KDR: variants seen among roughly 807,000 people sequenced by gnomAD.
KDR encodes kinase insert domain receptor.
Under a neutral mutation model 160.9 loss-of-function variants are expected in KDR, and 43 were observed. The observed-to-expected ratio is 0.27, with a 90% CI of 0.21 to 0.34. The LOEUF is 0.34. KDR is among the 10% of genes least tolerant of loss of function. The pLI is 1.00. For synonymous variants in KDR, 617 were observed against 600.1 expected, an observed-to-expected ratio of 1.03 and a Z score of -0.41; for missense variants, 1,469 against 1,666.4, an observed-to-expected ratio of 0.88 and a Z score of 2.06.
At chr4:55,096,463 A>C (rs1720160174) in intron 18 of KDR, 121 bp from the exon 19 acceptor site, 2 of 704,416 alleles carry the variant, frequency 2.8e-6, no homozygotes, top group African/African-American at 1.7e-5. Context: ...GCTGTGACCT[A>C]GTTTACAGAC....
At chr4:55,101,352 A>G (rs1309478012) in intron 15 of KDR, among the ~76,000 whole-genome samples, 1 of 152,242 alleles carries the variant, frequency 6.6e-6, no homozygotes, top group East Asian at 1.9e-4. Flanking sequence ...TGGTTAAAAG[A>G]ATACATACTC....
chr4:55,120,156 A>G (rs1011284411), intron 2 of KDR, among the ~76,000 whole-genome samples: 1 of 152,174 alleles, frequency 6.6e-6, no homozygotes, highest in East Asian at 1.9e-4. Flanking sequence ...GGGCTAGGGT[A>G]TTCTTTATAC....
intron 17 of KDR, 122 bp downstream of exon 17, chr4:55,098,015 A>G: frequency 7.6e-7 from 1 of 1,313,800 alleles, no homozygotes; most frequent in Non-Finnish European, 1.1e-6. Context: ...AATTCAAGAA[A>G]TGGAATTAAT....
chr4:55,106,893 G>T, intron 10 of KDR, 83 bp from the exon 11 acceptor site: 1 of 1,242,784 alleles, frequency 8.0e-7, no homozygotes, highest in Non-Finnish European at 1.2e-6. Context: ...TTCAGACTTT[G>T]GTTATTCTGT....
chr4:55,098,857 T>G, intron 15 of KDR, 54 bp from the exon 16 acceptor site: 6 of 1,393,852 alleles, frequency 4.3e-6, no homozygotes, highest in Non-Finnish European at 6.1e-6. Flanking sequence ...TACTTTTTGT[T>G]TGTAAGATGA....
rs1720322542 is a variant in KDR at position 55,101,974 on chromosome 4, T to C, written c.2189A>G (p.Glu730Gly). ...RNLTIRRVRKEDEGLYTCQAC... is the reference protein window; with the variant it reads ...RNLTIRRVRKGDEGLYTCQAC... The stretch of plus-strand genomic sequence containing the variant: ...CTGGCAGGTGTAGAGGCCTTCGTCC[T>C]CCTTCCTCACTCTGCGGATAGTGAG... The change falls in exon 15 of 30, where the codon GAG (glutamate) becomes GGG (glycine). Residue 730 changes from glutamate to glycine, a missense_variant. Around this residue, in one of 7 missense-constraint regions of KDR, gnomAD observed 39 missense variants for 72.1 expected, o/e 0.54. Coordinates refer to ENST00000263923, the MANE Select transcript of KDR (RefSeq NM_002253.4). 6.2e-7 allele frequency: 1 copy of C among 1,613,620 alleles called. No homozygotes were observed. Among genetic ancestry groups the C allele is most frequent in the Non-Finnish European group, 8.5e-7 (1 of 1,179,756 alleles).
chr4:55,090,104 A>G (rs765692102), intron 22 of KDR, 26 bp from the exon 23 acceptor site: 1 of 1,613,374 alleles, frequency 6.2e-7, no homozygotes, highest in South Asian at 1.1e-5. Flanking sequence ...TGTGTGCATT[A>G]GGTCTCGGCA....
At position 55,082,078 on chromosome 4, in the gene KDR, G is replaced by T. The variant is rs774368862; in HGVS notation, c.3763-37C>A. 8.8e-6 allele frequency: 12 copies of T among 1,368,012 alleles called. No homozygotes were observed. In the Admixed American group the frequency reaches 1.8e-4, roughly 21 times the overall value. 84.7% of individuals were successfully genotyped at this position (1,368,012 alleles called of 1,614,324 possible). A position where few individuals can be genotyped will look rare whatever the true frequency, so the allele number is the denominator to read the frequency against. On this transcript the variant is annotated intron_variant, in intron 28 of 29. Coordinates refer to ENST00000263923, the MANE Select transcript of KDR (RefSeq NM_002253.4). The stretch of plus-strand genomic sequence containing the variant: ...ACAATGAGATGGCACAGTTAATTGA[G>T]CATATAAAATGACCAACTATTTAAT...
intron 21 of KDR, 34 bp downstream of exon 21, chr4:55,094,768 C>G (rs766482143): frequency 6.2e-7 from 1 of 1,602,216 alleles, no homozygotes; most frequent in African/African-American, 1.3e-5. Flanking sequence ...CTGACAAGAG[C>G]ATGCCATAGC....
In KDR at chr4:55,087,753, G is replaced by C; in HGVS notation, c.3516C>G (p.Gly1172=). 5 of 1,614,078 alleles carry C rather than the reference G, an allele frequency of 3.1e-6. No individual in the cohort carries two copies. Among genetic ancestry groups the C allele is most frequent in the Non-Finnish European group, 4.2e-6 (5 of 1,179,968 alleles). ...NLLQANAQQD[G]KDYIVLPISE... ...ATATCGGAAGAACAATGTAGTCTTT[G>C]CCATCCTGAAACAATAAACACAGAA... The change falls in exon 27 of 30, where the codon GGC becomes GGG. Residue 1172 remains glycine (G), a synonymous_variant. Transcript: ENST00000263923.
At position 55,094,687 on chromosome 4, in the gene KDR, T is replaced by A. The variant is rs1720104376; in HGVS notation, c.2971+115A>T. ...TCTATTATAGAAATTCAGGTCTCTT[T>A]CAAATTATGAGGTAGTATTGGACTT... On this transcript the variant is annotated intron_variant, in intron 21 of 29. Transcript: ENST00000263923. The A allele has an allele frequency of 1.5e-5, 15 of 991,646 alleles. No individual in the cohort carries two copies. In the South Asian group the frequency reaches 1.5e-4, roughly 10 times the overall value. 61.4% of individuals were successfully genotyped at this position (991,646 alleles called of 1,614,324 possible).
rs374982964 is a variant in KDR at position 55,082,527 on chromosome 4, C to T, written c.3762+9G>A. On this transcript the variant is annotated intron_variant, in intron 28 of 29. Coordinates refer to ENST00000263923, the MANE Select transcript of KDR (RefSeq NM_002253.4). ...TATTTCTAAGACTATTTTTAAAAGA[C>T]GTACTTACATCTGGGATTACTTTTA... is the stretch of plus-strand genomic sequence containing the variant. 82 of 1,550,542 alleles carry T rather than the reference C, an allele frequency of 5.3e-5. No homozygotes were observed. The African/African-American group carries it at 7.3e-4, about 14-fold the overall frequency.
At chr4:55,124,042 T>C (rs1330781015) in intron 1 of KDR, among the ~76,000 whole-genome samples, 1 of 152,340 alleles carries the variant, frequency 6.6e-6, no homozygotes, top group East Asian at 1.9e-4. Context: ...GAGAGAGGGC[T>C]TGTCTGGGAC....
intron 21 of KDR, among the ~76,000 whole-genome samples, chr4:55,093,344 A>G (rs553252569): frequency 2.2e-3 from 338 of 152,380 alleles, no homozygotes; most frequent in Non-Finnish European, 3.2e-3. Context: ...CAACTGGTAC[A>G]AATAAACACT....
At chr4:55,095,009 A>G in intron 20 of KDR, 54 bp from the exon 21 acceptor site, 2 of 1,539,242 alleles carry the variant, frequency 1.3e-6, no homozygotes, top group East Asian at 4.5e-5. Flanking sequence ...TGAGTCTTTA[A>G]AAGTTTACAA....
intron 17 of KDR, 79 bp from the exon 18 acceptor site, chr4:55,097,845 A>G: frequency 9.9e-7 from 1 of 1,009,358 alleles, no homozygotes; most frequent in Non-Finnish European, 1.6e-6. Context: ...GACATCAACT[A>G]GATAGGGTGA....
chr4:55,094,872 G>A lies in KDR; in HGVS notation c.2901C>T (p.Thr967=), dbSNP rs1421824117. The change falls in exon 21 of 30, where the codon ACC becomes ACT. Residue 967 remains threonine, a synonymous_variant. Transcript: ENST00000263923. ...VDLKRRLDSI[T]SSQSSASSGF... ...CAGAGCTGGCTGAGCTCTGGCTACT[G>A]GTGATGCTGTCCAAGCGCCGTTTCA... The A allele has an allele frequency of 1.2e-6, 2 of 1,613,914 alleles. No homozygotes were observed. The highest frequency in any genetic ancestry group is 1.7e-6 in the Non-Finnish European group (2 of 1,179,834).
At position 55,079,280 on chromosome 4, in the gene KDR, C is replaced by CT. The variant is rs1452912763; in HGVS notation, c.*660dup. On this transcript the variant is annotated 3_prime_UTR_variant, in exon 30 of 30. Transcript: ENST00000263923. ...GGAGTCAGAAACAGCACAACGAACT[C>CT]TACTTTAGCCCAACTCGAAGAACAC... is the stretch of plus-strand genomic sequence containing the variant. The CT allele has an allele frequency of 1.7e-4, 40 of 234,934 alleles. No homozygotes were observed. In the East Asian group the frequency reaches 2.4e-3, roughly 14 times the overall value. The allele number at this position is 234,934 out of a possible 1,614,324, so 14.6% of individuals were successfully genotyped here. A position where few individuals can be genotyped will look rare whatever the true frequency, so the allele number is the denominator to read the frequency against.
chr4:55,111,255 C>T (rs575652895), intron 7 of KDR, among the ~76,000 whole-genome samples: 1 of 152,244 alleles, frequency 6.6e-6, no homozygotes, highest in African/African-American at 2.4e-5. Flanking sequence ...CTCTGGGTTC[C>T]GGGTTGATAT....
Sources: allele counts gnomAD v4.1 joint callset (sites outside exome capture counted in the v4.1 genomes callset), GRCh38; gene constraint gnomAD v4.1.1; regional missense constraint gnomAD v4.1.1; transcripts MANE v1.5; gene names NCBI Gene and HGNC (gene_info 2026-07-23, HGNC 2026-07-21).